SV2C: variants seen among roughly 807,000 people sequenced by gnomAD.
The protein encoded by SV2C is solute carrier family 22 member B3.
Under a neutral mutation model 79.7 loss-of-function variants are expected in SV2C, and 49 were observed. The observed-to-expected ratio is 0.61, with a 90% CI of 0.49 to 0.78. The LOEUF (loss-of-function observed/expected upper bound fraction) is 0.78, where lower values mean the gene tolerates loss of function less well. Ranked by LOEUF, SV2C falls within the 30% of genes least tolerant of loss-of-function variation. The probability of loss-of-function intolerance (pLI) is 0.00; values close to 1 mark genes in which losing one functional copy is unlikely to be tolerated. For missense variants in SV2C, 833 were observed against 912.9 expected (o/e 0.91, Z 1.13); for synonymous variants, 334 against 333.2 (o/e 1.00, Z -0.03).
chr5:76,347,213 C>A (rs1749561454), intron 12 of SV2C, among the ~76,000 whole-genome samples: 1 of 152,076 alleles, frequency 6.6e-6, no homozygotes, highest in African/African-American at 2.4e-5. Flanking sequence ...GGCCTTTTTA[C>A]CCCCATTTGT....
At chr5:76,012,942 C>T in the SV2C span, among the ~76,000 whole-genome samples, 1 of 152,138 alleles carries the variant, frequency 6.6e-6, no homozygotes, top group Non-Finnish European at 1.5e-5. Flanking sequence ...TCTGAGGCCT[C>T]TGTTCTGTTC....
In SV2C at chr5:76,307,579, G is replaced by A. The variant is rs148632975; in HGVS notation, c.2000+6034G>A. Among the ~76,000 whole-genome samples, 138 of 152,234 alleles carry A rather than the reference G, an allele frequency of 9.1e-4. 1 individual carries two copies. The highest frequency in any genetic ancestry group is 1.8e-3 in the Admixed American group (27 of 15,286). ...GACTAGCCCAAAACAATGGCCTCCC[G>A]TAAAATTTAACTATTTGAATACTTT... On this transcript the variant is annotated intron_variant, in intron 12 of 12. Coordinates refer to ENST00000502798, the MANE Select transcript of SV2C (RefSeq NM_014979.4).
intron 4 of SV2C, among the ~76,000 whole-genome samples, chr5:76,229,483 G>A (rs1745348553): frequency 6.6e-6 from 1 of 152,224 alleles, no homozygotes; most frequent in South Asian, 2.1e-4. Context: ...CTTCAGTGGG[G>A]TTAGTTACTA....
the SV2C span, among the ~76,000 whole-genome samples, chr5:75,973,743 A>C: frequency 6.6e-6 from 1 of 152,060 alleles, no homozygotes; most frequent in Non-Finnish European, 1.5e-5. Context: ...ATCTGCACTC[A>C]GTAAGTACTT....
intron 1 of SV2C, among the ~76,000 whole-genome samples, chr5:76,128,450 G>C (rs1188965248): frequency 6.6e-6 from 1 of 152,162 alleles, no homozygotes; most frequent in East Asian, 1.9e-4. Context: ...TAGGAAGAAG[G>C]CCACTGCATT....
At chr5:75,916,379 C>T in the SV2C span, among the ~76,000 whole-genome samples, 7 of 140,034 alleles carry the variant, frequency 5.0e-5, no homozygotes, top group Non-Finnish European at 7.8e-5. Flanking sequence ...CCTTCCTCCT[C>T]CTCCCCTTCC....
intron 4 of SV2C, among the ~76,000 whole-genome samples, chr5:76,233,899 C>A (rs1184698742): frequency 2.6e-5 from 4 of 151,938 alleles, no homozygotes; most frequent in Admixed American, 2.6e-4. Context: ...GTCTAAAATT[C>A]TCTTTTTTGG....
At chr5:75,852,123 A>G in the SV2C span, among the ~76,000 whole-genome samples, 1 of 152,118 alleles carries the variant, frequency 6.6e-6, no homozygotes, top group African/African-American at 2.4e-5. Flanking sequence ...ATGAGAACAC[A>G]TGGACACAGG....
the SV2C span, among the ~76,000 whole-genome samples, chr5:76,056,510 T>C: frequency 7.9e-5 from 12 of 152,140 alleles, 1 homozygote; most frequent in Admixed American, 6.6e-4. Context: ...GCCTCATAAA[T>C]GAGTTAGGTA....
chr5:76,301,553 G>A lies in SV2C; in HGVS notation c.2000+8G>A. On this transcript the variant is annotated splice_region_variant and intron_variant, in intron 12 of 12. Transcript: ENST00000502798. ...GTACCCCACAGACCGGAGGTATGTTGAAATGGGCCTCTAGTAAGAGGCACT... is the reference window on the plus strand; with the variant it reads ...GTACCCCACAGACCGGAGGTATGTTAAAATGGGCCTCTAGTAAGAGGCACT... The A allele has an allele frequency of 6.2e-7, 1 of 1,610,914 alleles. No individual in the cohort carries two copies. Among genetic ancestry groups the A allele is most frequent in the Non-Finnish European group, 8.5e-7 (1 of 1,178,202 alleles).
the SV2C span, among the ~76,000 whole-genome samples, chr5:75,926,298 T>C: frequency 6.6e-6 from 1 of 152,302 alleles, no homozygotes; most frequent in East Asian, 1.9e-4. Context: ...TTCAGAGTTA[T>C]TTCAGTTCAT....
intron 4 of SV2C, among the ~76,000 whole-genome samples, chr5:76,220,936 G>A (rs1745048840): frequency 6.6e-6 from 1 of 152,150 alleles, no homozygotes; most frequent in Non-Finnish European, 1.5e-5. Context: ...AATCTCATTG[G>A]CCAGAATTTC....
At chr5:76,298,673 T>C in intron 9 of SV2C, 121 bp from the exon 10 acceptor site, 7 of 1,134,456 alleles carry the variant, frequency 6.2e-6, no homozygotes, top group Non-Finnish European at 8.6e-6. Flanking sequence ...AAGAACTCTG[T>C]GTTCTTTATA....
intron 4 of SV2C, among the ~76,000 whole-genome samples, chr5:76,270,555 T>C (rs1273601641): frequency 6.6e-6 from 1 of 152,144 alleles, no homozygotes; most frequent in Non-Finnish European, 1.5e-5. Flanking sequence ...TGCAAGTCTA[T>C]GGGAAACTGT....
the SV2C span, among the ~76,000 whole-genome samples, chr5:76,055,419 T>C: frequency 6.6e-6 from 1 of 152,012 alleles, no homozygotes; most frequent in African/African-American, 2.4e-5. Context: ...TATAGTTTAG[T>C]GTCAGGTAGC....
chr5:76,293,418 C>T (rs1028876185), intron 8 of SV2C, among the ~76,000 whole-genome samples: 1 of 152,136 alleles, frequency 6.6e-6, no homozygotes, highest in African/African-American at 2.4e-5. Context: ...TGTTTTACTG[C>T]TATATCCCTG....
chr5:76,144,371 G>A (rs1306448854), intron 2 of SV2C, among the ~76,000 whole-genome samples: 3 of 152,122 alleles, frequency 2.0e-5, no homozygotes, highest in African/African-American at 7.2e-5. Flanking sequence ...TGTGCAGGTT[G>A]TGACCTGCAC....
chr5:76,293,043 C>T (rs911818508), intron 8 of SV2C, among the ~76,000 whole-genome samples: 2 of 152,128 alleles, frequency 1.3e-5, no homozygotes, highest in Non-Finnish European at 2.9e-5. Flanking sequence ...AGGTGGAATA[C>T]GGAGAAAGAA....
the SV2C span, among the ~76,000 whole-genome samples, chr5:76,070,532 A>G: frequency 1.3e-5 from 2 of 152,220 alleles, no homozygotes; most frequent in South Asian, 4.1e-4. Context: ...CTGAGGTCTC[A>G]GCACAATCAC....
Sources: gnomAD v4.1 joint callset for allele counts (sites outside exome capture counted in the v4.1 genomes callset) on GRCh38, gnomAD v4.1.1 for gene constraint, MANE v1.5 for transcripts, NCBI Gene and HGNC (gene_info 2026-07-23, HGNC 2026-07-21) for gene names.